ANKRD6: variants seen among roughly 807,000 people sequenced by gnomAD.
ANKRD6 encodes ankyrin repeat domain-containing protein 6.
Under a neutral mutation model 82.3 loss-of-function variants are expected in ANKRD6, and 56 were observed. The observed-to-expected ratio is 0.68, with a 90% CI of 0.55 to 0.85. ANKRD6 has a LOEUF of 0.85. Among genes scored for constraint, ANKRD6 ranks in the 40% least tolerant of loss-of-function variants. ANKRD6 has a pLI of 0.00. For missense variants in ANKRD6, 852 were observed against 907.6 expected (o/e 0.94, Z 0.79); for synonymous variants, 347 against 352.1 (o/e 0.99, Z 0.16).
rs1334950682 is a variant in ANKRD6 at position 89,603,145 on chromosome 6, T to C, written c.318+18T>C. On this transcript the variant is annotated intron_variant, in intron 4 of 15. Transcript: ENST00000339746. ...AAGACAAGGTGAGTGGACACTGAGC[T>C]TCCTTACTCCCCAAGGCAAGGGAAG... 1.3e-6 allele frequency: 2 copies of C among 1,583,680 alleles called. No homozygotes were observed. Among genetic ancestry groups the C allele is most frequent in the African/African-American group, 1.3e-5 (1 of 74,326 alleles).
intron 7 of ANKRD6, among the ~76,000 whole-genome samples, chr6:89,615,653 A>G (rs1801383464): frequency 6.6e-6 from 1 of 152,198 alleles, no homozygotes; most frequent in Non-Finnish European, 1.5e-5. Flanking sequence ...GTGACTCAGA[A>G]ATGAAATAAA....
chr6:89,475,091 T>C (rs968457387), intron 1 of ANKRD6, among the ~76,000 whole-genome samples: 1 of 152,222 alleles, frequency 6.6e-6, no homozygotes, highest in Non-Finnish European at 1.5e-5. Flanking sequence ...ATCAGAATTT[T>C]TGGACTTTGG....
chr6:89,528,260 C>T (rs1212061989), intron 1 of ANKRD6, among the ~76,000 whole-genome samples: 2 of 152,346 alleles, frequency 1.3e-5, no homozygotes, highest in East Asian at 3.9e-4. Flanking sequence ...CTTCTCAAAT[C>T]CTATTGCTGC....
intron 1 of ANKRD6, among the ~76,000 whole-genome samples, chr6:89,462,915 C>CCA (rs2127774428): frequency 6.7e-6 from 1 of 149,938 alleles, no homozygotes; most frequent in Non-Finnish European, 1.5e-5. Flanking sequence ...TGTTACCCAG[C>CCA]CTGAAATGCA....
chr6:89,480,775 AT>A (rs989801569), intron 1 of ANKRD6, among the ~76,000 whole-genome samples: 66 of 145,534 alleles, frequency 4.5e-4, no homozygotes, highest in Admixed American at 6.9e-4. Flanking sequence ...ACATCTCTAC[AT>A]TTTTTTTTTG....
At chr6:89,553,522 A>G (rs1480727456) in intron 1 of ANKRD6, among the ~76,000 whole-genome samples, 1 of 152,182 alleles carries the variant, frequency 6.6e-6, no homozygotes, top group Non-Finnish European at 1.5e-5. Flanking sequence ...TGCCATATTC[A>G]GGACTATGTT....
chr6:89,484,749 TCAAG>T (rs1777177718), intron 1 of ANKRD6, among the ~76,000 whole-genome samples: 1 of 152,250 alleles, frequency 6.6e-6, no homozygotes, highest in African/African-American at 2.4e-5. Context: ...AAAAAAAAGT[TCAAG>T]CAGTCAGTCT....
At chr6:89,464,452 T>G (rs996229170) in intron 1 of ANKRD6, among the ~76,000 whole-genome samples, 1 of 152,138 alleles carries the variant, frequency 6.6e-6, no homozygotes, top group Non-Finnish European at 1.5e-5. Flanking sequence ...GTGCCCTAGG[T>G]GGTTCACAGT....
At chr6:89,448,271 CA>C (rs1164925699) in intron 1 of ANKRD6, among the ~76,000 whole-genome samples, 2 of 151,716 alleles carry the variant, frequency 1.3e-5, no homozygotes, top group Non-Finnish European at 2.9e-5. Flanking sequence ...CCCATCTCTA[CA>C]AAAAATAAAA....
At chr6:89,625,494 A>T (rs570163626) in intron 13 of ANKRD6, among the ~76,000 whole-genome samples, 15 of 152,286 alleles carry the variant, frequency 9.8e-5, no homozygotes, top group African/African-American at 3.6e-4. Flanking sequence ...TAATCCCTGT[A>T]GTCAGCCAGT....
Position 89,485,378 on chromosome 6 carries a change from A to G in ANKRD6, c.-144+52003A>G, listed in dbSNP as rs143454947. On this transcript the variant is annotated intron_variant, in intron 1 of 15. Coordinates refer to ENST00000339746, the MANE Select transcript of ANKRD6 (RefSeq NM_001242809.2). ...ATTCAGAGCTTTGTTGCTGGGAGAA[A>G]TCTCTACTGTAAGCACAGAAAATAC... 1.5e-4 allele frequency among the ~76,000 whole-genome samples: 23 copies of G among 152,286 alleles called. No individual in the cohort carries two copies. The East Asian group carries it at 4.2e-3, about 28-fold the overall frequency.
intron 15 of ANKRD6, 78 bp downstream of exon 15, chr6:89,629,316 A>C: frequency 6.3e-7 from 1 of 1,586,650 alleles, no homozygotes; most frequent in Middle Eastern, 1.7e-4. Context: ...ACTGAAAGGC[A>C]GTACGTATGC....
chr6:89,484,255 A>T (rs918081630), intron 1 of ANKRD6, among the ~76,000 whole-genome samples: 6 of 152,178 alleles, frequency 3.9e-5, no homozygotes, highest in African/African-American at 1.4e-4. Context: ...CTGAAACTTC[A>T]GTGTCCTATA....
At chr6:89,511,916 A>T (rs931267607) in intron 1 of ANKRD6, among the ~76,000 whole-genome samples, 6 of 151,918 alleles carry the variant, frequency 3.9e-5, no homozygotes, top group South Asian at 2.1e-4. Flanking sequence ...AAAGAACCTG[A>T]CTGTTTTTTT....
intron 1 of ANKRD6, among the ~76,000 whole-genome samples, chr6:89,552,655 A>T (rs917826750): frequency 1.3e-5 from 2 of 152,134 alleles, no homozygotes; most frequent in South Asian, 4.1e-4. Flanking sequence ...ATATTTAGTG[A>T]GTGCTTTTTC....
chr6:89,556,004 C>T (rs1786545078), intron 1 of ANKRD6, among the ~76,000 whole-genome samples: 1 of 152,158 alleles, frequency 6.6e-6, no homozygotes, highest in Non-Finnish European at 1.5e-5. Flanking sequence ...CACTAGCCCC[C>T]TGTATGGTCT....
chr6:89,579,705 C>G (rs1219955562), intron 2 of ANKRD6, among the ~76,000 whole-genome samples: 1 of 121,298 alleles, frequency 8.2e-6, no homozygotes, highest in African/African-American at 3.2e-5. Context: ...TGCAGTAATC[C>G]AAGATAGTGC....
In ANKRD6 at chr6:89,433,533, C is replaced by T. The variant is rs1017222642; in HGVS notation, c.-144+158C>T. 5.3e-5 allele frequency among the ~76,000 whole-genome samples: 8 copies of T among 152,200 alleles called. No individual in the cohort carries two copies. Among genetic ancestry groups the T allele is most frequent in the Non-Finnish European group, 1.2e-4 (8 of 68,018 alleles). On this transcript the variant is annotated intron_variant, in intron 1 of 15. Transcript: ENST00000339746. This position sits in a 1 kb window ranked among gnomAD's most constrained non-coding sequence, Gnocchi z 4.3. ...GGAGACCCGGACACCGCGCCTCGCC[C>T]CCTGGCCTGCGGCCTCCGAAAACGC... is the stretch of plus-strand genomic sequence containing the variant.
intron 1 of ANKRD6, among the ~76,000 whole-genome samples, chr6:89,458,125 G>A (rs1209670542): frequency 6.6e-6 from 1 of 152,178 alleles, no homozygotes; most frequent in Non-Finnish European, 1.5e-5. Flanking sequence ...AGAACTGTGA[G>A]AGATAAATGT....
Sources: allele counts gnomAD v4.1 joint callset (sites outside exome capture counted in the v4.1 genomes callset), GRCh38; gene constraint gnomAD v4.1.1; non-coding constraint Gnocchi (gnomAD v3.1); transcripts MANE v1.5; gene names NCBI Gene and HGNC (gene_info 2026-07-23, HGNC 2026-07-21).